WDR33: variants seen among roughly 807,000 people sequenced by gnomAD.
The protein encoded by WDR33 is WD repeat domain 33.
Under a neutral mutation model 164.9 loss-of-function variants are expected in WDR33, and 47 were observed. That is an observed-to-expected ratio of 0.29 (90% CI 0.23 to 0.36). The LOEUF (loss-of-function observed/expected upper bound fraction) is 0.36. WDR33 is among the 10% of genes least tolerant of loss of function. The probability of loss-of-function intolerance (pLI) is 1.00; values close to 1 mark genes in which losing one functional copy is unlikely to be tolerated. For missense variants in WDR33, 1,137 were observed against 1,754.1 expected (o/e 0.65, Z 6.28); for synonymous variants, 505 against 589.0 (o/e 0.86, Z 2.06).
chr2:127,791,432 G>C (rs1300453043), intron 1 of WDR33, among the ~76,000 whole-genome samples: 1 of 152,094 alleles, frequency 6.6e-6, no homozygotes, highest in East Asian at 1.9e-4. Context: ...CACAGTTCTA[G>C]AAGCTGGAAG....
intron 1 of WDR33, among the ~76,000 whole-genome samples, chr2:127,808,505 G>T (rs1165196481): frequency 6.6e-6 from 1 of 152,222 alleles, no homozygotes; most frequent in Non-Finnish European, 1.5e-5. Context: ...AGACAGATGA[G>T]AGTAGCACTG....
Position 127,709,811 on chromosome 2 carries a change from G to A in WDR33, c.3354C>T (p.Pro1118=), listed in dbSNP as rs750675504. The change falls in exon 19 of 22, where the codon CCC becomes CCT. Residue 1118 remains proline (P), a synonymous_variant. Transcript: ENST00000322313. The surrounding 1 kb of genome is among the most constrained non-coding windows in gnomAD (Gnocchi z 5.0). ...APPRHEGRAP[P]RGRDGFPGPE... ...GACCAGGAAAACCATCCCTTCCTCT[G>A]GGGGGAGCACGGCCCTCATGCCTCG... is the stretch of plus-strand genomic sequence containing the variant. The A allele has an allele frequency of 2.5e-6, 4 of 1,614,128 alleles. No individual in the cohort carries two copies. The highest frequency in any genetic ancestry group is 4.5e-5 in the East Asian group (2 of 44,876).
chr2:127,794,845 A>AGAAAG (rs1299574884), intron 1 of WDR33, among the ~76,000 whole-genome samples: 2 of 141,354 alleles, frequency 1.4e-5, no homozygotes, highest in African/African-American at 5.9e-5. Context: ...AAAAAAAAAA[A>AGAAAG]AAAAAAAGAA....
chr2:127,777,430 C>T lies in WDR33; in HGVS notation c.-23-6426G>A, dbSNP rs13415149. 7.0e-3 allele frequency among the ~76,000 whole-genome samples: 1,066 copies of T among 152,324 alleles called. 10 individuals carry two copies. The highest frequency in any genetic ancestry group is 0.024 in the African/African-American group (1,014 of 41,560). On this transcript the variant is annotated intron_variant, in intron 1 of 21. Transcript: ENST00000322313. The stretch of plus-strand genomic sequence containing the variant: ...CATCGCATCCTTAGCCTTAGGCTTT[C>T]AACTGCTCAAGAAAACCAGGAAGGC...
At chr2:127,771,063 A>C in intron 1 of WDR33, 59 bp from the exon 2 acceptor site, 1 of 1,287,946 alleles carries the variant, frequency 7.8e-7, no homozygotes, top group East Asian at 2.4e-5. Context: ...CTGCCTGAAA[A>C]CATTTTTAAA....
intron 1 of WDR33, among the ~76,000 whole-genome samples, chr2:127,790,915 T>C (rs1688821553): frequency 6.6e-6 from 1 of 152,166 alleles, no homozygotes; most frequent in East Asian, 1.9e-4. Flanking sequence ...TTCACGATAT[T>C]CCCTTATCAT....
intron 7 of WDR33, chr2:127,737,262 C>T: frequency 1.0e-6 from 1 of 985,388 alleles, no homozygotes. Context: ...TAGAGAACAT[C>T]AGCCATTTGT....
In WDR33 at chr2:127,726,137, A is replaced by C. The variant is rs916907660; in HGVS notation, c.851+514T>G. On this transcript the variant is annotated intron_variant, in intron 8 of 21. Coordinates refer to ENST00000322313, the MANE Select transcript of WDR33 (RefSeq NM_018383.5). The surrounding 1 kb of genome is among the most constrained non-coding windows in gnomAD (Gnocchi z 4.8). ...AGGAAATGGATGCTTGGTCAAAAAA[A>C]TGTTAACATATGCATGTAGCTGTGA... Among the ~76,000 whole-genome samples the C allele has an allele frequency of 6.6e-6, 1 of 152,250 alleles. No individual in the cohort carries two copies.
At chr2:127,740,869 A>G (rs1466944835) in intron 7 of WDR33, among the ~76,000 whole-genome samples, 1 of 152,248 alleles carries the variant, frequency 6.6e-6, no homozygotes, top group Non-Finnish European at 1.5e-5. Flanking sequence ...TTATTTCGCA[A>G]GACTGACATA....
At position 127,780,371 on chromosome 2, in the gene WDR33, C is replaced by T. The variant is rs1324545375; in HGVS notation, c.-23-9367G>A. 2.0e-5 allele frequency among the ~76,000 whole-genome samples: 3 copies of T among 152,186 alleles called. No homozygotes were observed. The East Asian group carries it at 5.8e-4, about 29-fold the overall frequency. On this transcript the variant is annotated intron_variant, in intron 1 of 21. Coordinates refer to ENST00000322313, the MANE Select transcript of WDR33 (RefSeq NM_018383.5). The stretch of plus-strand genomic sequence containing the variant: ...TAGGTTCTAAGATAATCAATCTACT[C>T]TAAAAGAAATTTGATACCCAATCTG...
rs1685959413 is a variant in WDR33, at chr2:127,704,196, A to T, written c.*2127T>A. On this transcript the variant is annotated 3_prime_UTR_variant, in exon 22 of 22. Transcript: ENST00000322313. ...CTTCAAATCACAACATCTAGTATGTATGCTGACAGTGATGTTTTTAAATGC... is the reference window on the plus strand; with the variant it reads ...CTTCAAATCACAACATCTAGTATGTTTGCTGACAGTGATGTTTTTAAATGC... 6.0e-6 allele frequency: 1 copy of T among 166,602 alleles called. No homozygotes were observed. The highest frequency in any genetic ancestry group is 1.5e-5 in the Non-Finnish European group (1 of 68,076). 10.3% of individuals were successfully genotyped at this position (166,602 alleles called of 1,614,324 possible).
intron 1 of WDR33, among the ~76,000 whole-genome samples, chr2:127,801,187 G>C (rs1689227212): frequency 6.6e-6 from 1 of 152,058 alleles, no homozygotes; most frequent in East Asian, 1.9e-4. Flanking sequence ...GGGAGGCTAA[G>C]GCAGGAGGTT....
chr2:127,810,349 C>T (rs1343645764), intron 1 of WDR33, among the ~76,000 whole-genome samples: 2 of 152,200 alleles, frequency 1.3e-5, no homozygotes, highest in Non-Finnish European at 2.9e-5. Context: ...CTCCTCCTTA[C>T]TCCGGAAGGG....
Position 127,710,655 on chromosome 2 carries a change from T to C in WDR33, c.3309-799A>G, listed in dbSNP as rs1012475679. On this transcript the variant is annotated intron_variant, in intron 18 of 21. Transcript: ENST00000322313. The surrounding 1 kb of genome is among the most constrained non-coding windows in gnomAD (Gnocchi z 4.4). The stretch of plus-strand genomic sequence containing the variant: ...GGGAGTATTGCTGAGGCAGAGAGGG[T>C]ACCAGGAGGTCTGTGCGAAAGAAGA... 3.9e-5 allele frequency among the ~76,000 whole-genome samples: 6 copies of C among 152,130 alleles called. No individual in the cohort carries two copies. Among genetic ancestry groups the C allele is most frequent in the Non-Finnish European group, 8.8e-5 (6 of 68,036 alleles).
Position 127,717,149 on chromosome 2 carries a change from A to G in WDR33, c.2869+6T>C. ...TAATCTTTTATTCAGCTGAGCAGAT[A>G]TTTACCTTTGTTGGGGCCAGGTCCT... On this transcript the variant is annotated splice_donor_region_variant and intron_variant, in intron 17 of 21. Coordinates refer to ENST00000322313, the MANE Select transcript of WDR33 (RefSeq NM_018383.5). The surrounding 1 kb of genome is among the most constrained non-coding windows in gnomAD (Gnocchi z 5.6). 1 of 1,595,512 alleles carries G rather than the reference A, an allele frequency of 6.3e-7. No homozygotes were observed. The highest frequency in any genetic ancestry group is 8.6e-7 in the Non-Finnish European group (1 of 1,169,358).
intron 7 of WDR33, among the ~76,000 whole-genome samples, chr2:127,746,584 G>A (rs967997238): frequency 3.3e-5 from 5 of 152,146 alleles, no homozygotes; most frequent in Middle Eastern, 3.2e-3. Flanking sequence ...CTTTACAGAC[G>A]AGGAGAGGCA....
Position 127,704,441 on chromosome 2 carries a change from T to C in WDR33, c.*1882A>G, listed in dbSNP as rs186051321. On this transcript the variant is annotated 3_prime_UTR_variant, in exon 22 of 22. Transcript: ENST00000322313. ...AGGGAAAAAAAGTCTAATCTTGATA[T>C]GGGTTTGGTCTCTGGATCCGGTTTT... is the stretch of plus-strand genomic sequence containing the variant. 6.0e-6 allele frequency: 1 copy of C among 167,128 alleles called. No individual in the cohort carries two copies. The highest frequency in any genetic ancestry group is 2.4e-5 in the African/African-American group (1 of 41,550). The allele number at this position is 167,128 out of a possible 1,614,324, so 10.4% of individuals were successfully genotyped here.
chr2:127,710,671 C>T lies in WDR33; in HGVS notation c.3309-815G>A, dbSNP rs1686137787. On this transcript the variant is annotated intron_variant, in intron 18 of 21. Coordinates refer to ENST00000322313, the MANE Select transcript of WDR33 (RefSeq NM_018383.5). This position sits in a 1 kb window ranked among gnomAD's most constrained non-coding sequence, Gnocchi z 4.4. ...CAGAGAGGGTACCAGGAGGTCTGTG[C>T]GAAAGAAGAGAAAGTGACCTTCTGG... 6.6e-6 allele frequency among the ~76,000 whole-genome samples: 1 copy of T among 152,154 alleles called. No individual in the cohort carries two copies. Among genetic ancestry groups the T allele is most frequent in the East Asian group, 1.9e-4 (1 of 5,194 alleles).
Position 127,701,822 on chromosome 2 carries a change from A to G in WDR33, c.*4501T>C. 2 of 1,457,708 alleles carry G rather than the reference A, an allele frequency of 1.4e-6. No homozygotes were observed. Among genetic ancestry groups the G allele is most frequent in the Non-Finnish European group, 1.8e-6 (2 of 1,109,156 alleles). 90.3% of individuals were successfully genotyped at this position (1,457,708 alleles called of 1,614,324 possible). A position where few individuals can be genotyped will look rare whatever the true frequency, so the allele number is the denominator to read the frequency against. ...GTTTCGGCCTAGCCGCGCTCTACGCACCGGTGTTGCTGCTGCGCGCGCGCA... is the reference window on the plus strand; with the variant it reads ...GTTTCGGCCTAGCCGCGCTCTACGCGCCGGTGTTGCTGCTGCGCGCGCGCA... On this transcript the variant is annotated 3_prime_UTR_variant, in exon 22 of 22. Coordinates refer to ENST00000322313, the MANE Select transcript of WDR33 (RefSeq NM_018383.5).
Sources: allele counts gnomAD v4.1 joint callset (sites outside exome capture counted in the v4.1 genomes callset), GRCh38; gene constraint gnomAD v4.1.1; non-coding constraint Gnocchi (gnomAD v3.1); transcripts MANE v1.5; gene names NCBI Gene and HGNC (gene_info 2026-07-23, HGNC 2026-07-21).